The following PIGG variants were observed in gnomAD, a reference collection of about 807,000 sequenced individuals.
PIGG encodes the protein GPI ethanolamine phosphate transferase 2, catalytic subunit.
Under a neutral mutation model 83.2 loss-of-function variants are expected in PIGG, and 70 were observed. The observed-to-expected ratio is 0.84, with a 90% CI of 0.69 to 1.03. PIGG has a LOEUF of 1.03. Ranked by LOEUF, PIGG falls within the 50% of genes least tolerant of loss-of-function variation. The pLI is 0.00. For missense variants in PIGG, 1,257 were observed against 1,233.6 expected, an observed-to-expected ratio of 1.02 and a Z score of -0.28; for synonymous variants, 532 against 519.5, an observed-to-expected ratio of 1.02 and a Z score of -0.33.
In PIGG at chr4:500,490, G is replaced by A; in HGVS notation, c.249G>A (p.Gly83=). 6.2e-7 allele frequency: 1 copy of A among 1,613,060 alleles called. No homozygotes were observed. Among genetic ancestry groups the A allele is most frequent in the South Asian group, 1.1e-5 (1 of 91,070 alleles). The change falls in exon 2 of 13, where the codon GGG becomes GGA. Residue 83 remains glycine (G), a synonymous_variant. Transcript: ENST00000453061. ...CCTTGAGAGATGATTTTGTGTTTGG[G>A]TCAAAGGGTGTGAAATTTATGCCCT... ...IDALRDDFVF[G]SKGVKFMPYT...
intron 9 of PIGG, among the ~76,000 whole-genome samples, chr4:526,568 A>T (rs1348554944): frequency 6.6e-6 from 1 of 151,858 alleles, no homozygotes. Context: ...AGGAGAGGGG[A>T]GGTGAGCTGG....
rs111545736 is a variant in PIGG, at chr4:527,200, C to T, written c.2231C>T (p.Pro744Leu). 129 of 1,603,668 alleles carry T rather than the reference C, an allele frequency of 8.0e-5. No individual in the cohort carries two copies. Among genetic ancestry groups the T allele is most frequent in the South Asian group, 7.8e-4 (70 of 89,812 alleles). The change falls in exon 10 of 13, where the codon CCG (proline) becomes CTG (leucine). Residue 744 changes from proline (P) to leucine (L), a missense_variant. Physicochemically the swap from Pro to Leu is moderately conservative, Grantham distance 98 (BLOSUM62 -3). Transcript: ENST00000453061. ...GCGGCCATCGGGAGTGTCCGGTTCC[C>T]GTGGCGGCCGGACAGCAAGGACATT... ...YRAAIGSVRF[P>L]WRPDSKDISK...
Position 520,619 on chromosome 4 carries a change from A to G in PIGG, c.1115-437A>G, listed in dbSNP as rs546929635. On this transcript the variant is annotated intron_variant, in intron 6 of 12. Coordinates refer to ENST00000453061, the MANE Select transcript of PIGG (RefSeq NM_001127178.3). ...GCCGCTGCCTGCCCAGTCCCCATACAGTGCTGTAAGGGTTAGAAAGACTCT... is the reference window on the plus strand; with the variant it reads ...GCCGCTGCCTGCCCAGTCCCCATACGGTGCTGTAAGGGTTAGAAAGACTCT... Among the ~76,000 whole-genome samples, 8 of 152,372 alleles carry G rather than the reference A, an allele frequency of 5.3e-5. 1 individual carries two copies. The South Asian group carries it at 1.0e-3, about 20-fold the overall frequency.
chr4:513,755 T>C (rs138534343), intron 5 of PIGG, among the ~76,000 whole-genome samples: 143 of 152,290 alleles, frequency 9.4e-4, no homozygotes, highest in Non-Finnish European at 1.5e-3. Flanking sequence ...TGGCCCCTTA[T>C]CGTCAGTGGG....
intron 12 of PIGG, among the ~76,000 whole-genome samples, chr4:537,998 A>G (rs1281328296): frequency 6.7e-6 from 1 of 150,334 alleles, no homozygotes; most frequent in Admixed American, 6.6e-5. Context: ...TGGGGCCCAG[A>G]CACACATACG....
chr4:499,728 A>G (rs558730248), intron 1 of PIGG: 1 of 1,377,720 alleles, frequency 7.3e-7, no homozygotes, highest in African/African-American at 1.5e-5. Context: ...ACCACAAAGT[A>G]AGCTGTGTCC....
chr4:538,000 A>G (rs1222871628), intron 12 of PIGG, among the ~76,000 whole-genome samples: 3 of 151,408 alleles, frequency 2.0e-5, no homozygotes, highest in Admixed American at 6.6e-5. Flanking sequence ...GGGCCCAGAC[A>G]CACATACGTG....
At chr4:504,326 AC>A (rs1263094108) in intron 2 of PIGG, among the ~76,000 whole-genome samples, 2 of 151,142 alleles carry the variant, frequency 1.3e-5, no homozygotes, top group Non-Finnish European at 3.0e-5. Flanking sequence ...TGTTTTCATA[AC>A]CTCCCTGGGT....
chr4:519,408 G>A (rs1294226854), intron 6 of PIGG, among the ~76,000 whole-genome samples: 2 of 152,226 alleles, frequency 1.3e-5, no homozygotes, highest in African/African-American at 4.8e-5. Flanking sequence ...TCTGATAGGC[G>A]GTGGGGTGTG....
At chr4:517,855 C>T (rs1052567195) in intron 6 of PIGG, among the ~76,000 whole-genome samples, 3 of 152,156 alleles carry the variant, frequency 2.0e-5, no homozygotes, top group African/African-American at 4.8e-5. Flanking sequence ...CTGACGCAGC[C>T]GCGTTCATCA....
intron 12 of PIGG, among the ~76,000 whole-genome samples, chr4:538,369 T>G (rs1273001701): frequency 3.3e-5 from 5 of 152,298 alleles, no homozygotes; most frequent in Admixed American, 2.0e-4. Flanking sequence ...TTCCGAGAAT[T>G]TGCTCAGCAA....
chr4:528,129 T>C lies in PIGG; in HGVS notation c.2261+899T>C. Reference sequence around the variant, plus strand: ...GTGACCCTCTCAGTGAGGTCGGTGCTCTGCAGAGGGGTCTTCTGGCTGTTA... The same window carrying C: ...GTGACCCTCTCAGTGAGGTCGGTGCCCTGCAGAGGGGTCTTCTGGCTGTTA... On this transcript the variant is annotated intron_variant, in intron 10 of 12. Coordinates refer to ENST00000453061, the MANE Select transcript of PIGG (RefSeq NM_001127178.3). This position sits in a 1 kb window ranked among gnomAD's most constrained non-coding sequence, Gnocchi z 4.8. 1 of 985,344 alleles carries C rather than the reference T, an allele frequency of 1.0e-6. No individual in the cohort carries two copies. Among genetic ancestry groups the C allele is most frequent in the Non-Finnish European group, 1.2e-6 (1 of 829,916 alleles). The allele number at this position is 985,344 out of a possible 1,614,324, so 61.0% of individuals were successfully genotyped here. A position where few individuals can be genotyped will look rare whatever the true frequency, so the allele number is the denominator to read the frequency against.
chr4:525,827 C>G (rs1727425731), intron 9 of PIGG: 1 of 152,228 alleles, frequency 6.6e-6, no homozygotes, highest in Non-Finnish European at 1.5e-5. Flanking sequence ...TGGTTGGTCC[C>G]CACTCCAGAG....
chr4:500,546 C>G lies in PIGG; in HGVS notation c.305C>G (p.Ser102Cys). 6.2e-7 allele frequency: 1 copy of G among 1,613,680 alleles called. No individual in the cohort carries two copies. The highest frequency in any genetic ancestry group is 1.3e-5 in the African/African-American group (1 of 75,040). The change falls in exon 2 of 13, where the codon TCT becomes TGT. Residue 102 changes from serine to cysteine, a missense_variant. Transcript: ENST00000453061. ...YTTYLVEKGA[S>C]HSFVAEAKPP... ...ACTTACCTTGTGGAAAAAGGAGCATCTCACAGTTTTGTGGCTGAAGCAAAG... is the reference window on the plus strand; with the variant it reads ...ACTTACCTTGTGGAAAAAGGAGCATGTCACAGTTTTGTGGCTGAAGCAAAG...
intron 5 of PIGG, among the ~76,000 whole-genome samples, chr4:510,636 C>T (rs571527369): frequency 8.5e-5 from 13 of 152,304 alleles, no homozygotes; most frequent in Admixed American, 2.6e-4. Flanking sequence ...CTGCAAGTGC[C>T]GGACTCATCA....
chr4:505,648 A>T, intron 2 of PIGG, 70 bp from the exon 3 acceptor site: 1 of 1,144,052 alleles, frequency 8.7e-7, no homozygotes, highest in Non-Finnish European at 1.3e-6. Context: ...AAAAAAAAAA[A>T]ATCTTCAGTG....
rs1235114843 is a variant in PIGG at position 539,475 on chromosome 4, C to T, written c.*106C>T. 1.5e-6 allele frequency: 1 copy of T among 673,886 alleles called. No individual in the cohort carries two copies. Among genetic ancestry groups the T allele is most frequent in the South Asian group, 1.9e-5 (1 of 53,648 alleles). 41.7% of individuals were successfully genotyped at this position (673,886 alleles called of 1,614,324 possible). On this transcript the variant is annotated 3_prime_UTR_variant, in exon 13 of 13. Transcript: ENST00000453061. The stretch of plus-strand genomic sequence containing the variant: ...TGATGGATAACTTTCTTTGACTGCT[C>T]TACCTGAATTTAGACTAAGCAGTAA...
rs9993903 is a variant in PIGG at position 512,541 on chromosome 4, T to A, written c.902-3432T>A. Among the ~76,000 whole-genome samples, 325 of 152,006 alleles carry A rather than the reference T, an allele frequency of 2.1e-3. 1 individual carries two copies. The highest frequency in any genetic ancestry group is 0.011 in the South Asian group (55 of 4,814). On this transcript the variant is annotated intron_variant, in intron 5 of 12. Transcript: ENST00000453061. ...GCTTTTTAAAAAATAATTTCTGGCC[T>A]GGCACGGTGGCTCATTTGTAATCCC...
At position 539,023 on chromosome 4, in the gene PIGG, A is replaced by G. The variant is rs10213020; in HGVS notation, c.2736-130A>G. ...CACCATAGTGACTGGATGTGTGTGC[A>G]GAAGAAGGAACGCGGTGCCCTCTAC... is the stretch of plus-strand genomic sequence containing the variant. On this transcript the variant is annotated intron_variant, in intron 12 of 12. Transcript: ENST00000453061. 0.16 allele frequency: 99,389 copies of G among 637,316 alleles called. 9,153 individuals carry two copies. The highest frequency in any genetic ancestry group is 0.32 in the African/African-American group (17,752 of 54,800). The allele number at this position is 637,316 out of a possible 1,614,324, so 39.5% of individuals were successfully genotyped here. A position where few individuals can be genotyped will look rare whatever the true frequency, so the allele number is the denominator to read the frequency against.
Sources: gnomAD v4.1 joint callset for allele counts (sites outside exome capture counted in the v4.1 genomes callset) on GRCh38, gnomAD v4.1.1 for gene constraint, Gnocchi (gnomAD v3.1) non-coding constraint, MANE v1.5 for transcripts, NCBI Gene and HGNC (gene_info 2026-07-23, HGNC 2026-07-21) for gene names.